Variants in SKP2 observed in about 807,000 individuals in gnomAD.
The protein encoded by SKP2 is S-phase kinase-associated protein 2.
In SKP2, 16 loss-of-function variants were observed where a neutral mutation model predicts 51.8. The ratio of observed to expected loss-of-function variants is 0.31; its 90% CI spans 0.21 to 0.47. The LOEUF (loss-of-function observed/expected upper bound fraction) is 0.47, where lower values mean the gene tolerates loss of function less well. SKP2 is among the 20% of genes least tolerant of loss of function. SKP2 has a pLI of 1.00. For synonymous variants in SKP2, 176 were observed against 198.6 expected (o/e 0.89, Z 0.96); for missense variants, 377 against 505.3 (o/e 0.75, Z 2.43).
At chr5:36,190,264 C>T (rs1362258926) in intron 6 of SKP2, among the ~76,000 whole-genome samples, 4 of 152,002 alleles carry the variant, frequency 2.6e-5, no homozygotes, top group Non-Finnish European at 2.9e-5. Flanking sequence ...GAGACGAACC[C>T]GGTACCCCAG....
At chr5:36,160,991 T>C (rs774474585) in intron 2 of SKP2, among the ~76,000 whole-genome samples, 6 of 152,110 alleles carry the variant, frequency 3.9e-5, no homozygotes, top group Non-Finnish European at 7.4e-5. Flanking sequence ...CAACTGTGTA[T>C]CTCCTACTCA....
Position 36,153,018 on chromosome 5 carries a change from A to G in SKP2, c.256A>G (p.Lys86Glu), listed in dbSNP as rs756905904. The G allele has an allele frequency of 1.2e-6, 2 of 1,614,112 alleles. No homozygotes were observed. Among genetic ancestry groups the G allele is most frequent in the Non-Finnish European group, 1.7e-6 (2 of 1,179,972 alleles). Reference protein sequence around the residue: ...DKDFVIVRRPKLNRENFPGVS... With the variant: ...DKDFVIVRRPELNRENFPGVS... ...AGACTTTGTGATTGTCCGCAGGCCTAAGCTAAATCGAGAGAACTTTCCAGG... is the reference window on the plus strand; with the variant it reads ...AGACTTTGTGATTGTCCGCAGGCCTGAGCTAAATCGAGAGAACTTTCCAGG... The change falls in exon 2 of 10, where the codon AAG becomes GAG. Residue 86 changes from lysine to glutamate, a missense_variant. Coordinates refer to ENST00000274255, the MANE Select transcript of SKP2 (RefSeq NM_005983.4).
chr5:36,174,415 G>A (rs1412549915), intron 7 of SKP2, among the ~76,000 whole-genome samples: 1 of 152,058 alleles, frequency 6.6e-6, no homozygotes, highest in East Asian at 1.9e-4. Flanking sequence ...TTTCTCCAGT[G>A]GTGTCAAAGT....
At chr5:36,158,223 A>G (rs929309777) in intron 2 of SKP2, among the ~76,000 whole-genome samples, 9 of 152,234 alleles carry the variant, frequency 5.9e-5, no homozygotes, top group African/African-American at 2.2e-4. Flanking sequence ...CAAGTGGAGA[A>G]AAGACCTCTG....
chr5:36,173,042 C>A (rs1166447553), intron 7 of SKP2, among the ~76,000 whole-genome samples: 1 of 150,374 alleles, frequency 6.7e-6, no homozygotes, highest in Non-Finnish European at 1.5e-5. Context: ...TTTTCCTGTA[C>A]AAAAACTGTT....
intron 2 of SKP2, 63 bp from the exon 3 acceptor site, chr5:36,163,582 A>T: frequency 2.1e-6 from 2 of 973,074 alleles, no homozygotes; most frequent in Non-Finnish European, 1.7e-6. Context: ...GTGTTTGAAA[A>T]GACTCAGTAG....
chr5:36,191,995 T>C (rs946494243), intron 6 of SKP2, among the ~76,000 whole-genome samples: 3 of 152,190 alleles, frequency 2.0e-5, no homozygotes, highest in South Asian at 4.1e-4. Context: ...TTTCTCTAAA[T>C]ACCAGAATAT....
intron 9 of SKP2, chr5:36,177,553 CTT>C (rs1256964137): frequency 2.2e-6 from 1 of 452,814 alleles, no homozygotes; most frequent in East Asian, 4.6e-5. Context: ...TATGAGAAGA[CTT>C]AGCAGAGAAG....
chr5:36,171,706 G>A lies in SKP2; in HGVS notation c.874G>A (p.Gly292Ser). The change falls in exon 7 of 10, where the codon GGC (glycine) becomes AGC (serine). Residue 292 changes from glycine (G) to serine (S), a missense_variant. This residue lies in a region of SKP2 where 262 missense variants were observed against 389.8 expected (regional missense o/e 0.67). Transcript: ENST00000274255. ...SETITQLNLS[G>S]YRKNLQKSDL... ...GACCATCACCCAGCTGAATCTTAGC[G>A]GCTACAGAAAGAATCTCCAGAAATC... is the stretch of plus-strand genomic sequence containing the variant. 1 of 1,613,872 alleles carries A rather than the reference G, an allele frequency of 6.2e-7. No individual in the cohort carries two copies. The highest frequency in any genetic ancestry group is 8.5e-7 in the Non-Finnish European group (1 of 1,179,842).
At chr5:36,168,551 C>T in intron 5 of SKP2, 104 bp downstream of exon 5, 1 of 1,080,658 alleles carries the variant, frequency 9.3e-7, no homozygotes, top group South Asian at 1.4e-5. Flanking sequence ...CAGGTGGATA[C>T]AGAAAATATC....
chr5:36,163,315 G>A (rs184939712), intron 2 of SKP2, among the ~76,000 whole-genome samples: 3 of 152,276 alleles, frequency 2.0e-5, no homozygotes, highest in African/African-American at 4.8e-5. Context: ...CACAGCCTCC[G>A]ATTGGCTGGC....
At chr5:36,192,407 T>C (rs1036946798) in intron 6 of SKP2, among the ~76,000 whole-genome samples, 1 of 152,194 alleles carries the variant, frequency 6.6e-6, no homozygotes, top group Admixed American at 6.5e-5. Context: ...ATAAATAATA[T>C]TGGTACAATG....
At chr5:36,188,480 C>T (rs572713112), downstream of SKP2, among the ~76,000 whole-genome samples, 172 of 152,280 alleles carry the variant, frequency 1.1e-3, no homozygotes, top group African/African-American at 3.9e-3. Flanking sequence ...ATTTTTCCTT[C>T]ACTTATGAAG....
intron 2 of SKP2, among the ~76,000 whole-genome samples, chr5:36,154,213 A>G (rs1197142497): frequency 6.6e-6 from 1 of 152,082 alleles, no homozygotes; most frequent in African/African-American, 2.4e-5. Context: ...ATTGAGAGAA[A>G]GCCTCAATTG....
Position 36,152,402 on chromosome 5 carries a change from G to T in SKP2, c.8+132G>T. The T allele has an allele frequency of 3.3e-6, 3 of 914,798 alleles. No individual in the cohort carries two copies. In the South Asian group the frequency reaches 4.3e-5, roughly 13 times the overall value. 56.7% of individuals were successfully genotyped at this position (914,798 alleles called of 1,614,324 possible). On this transcript the variant is annotated intron_variant, in intron 1 of 9. Transcript: ENST00000274255. Reference sequence around the variant, plus strand: ...GAATGGTTGCTTAGCCCCTTCTTGGGGAAAGTGTGAATGGATGGATGCCTT... The same window carrying T: ...GAATGGTTGCTTAGCCCCTTCTTGGTGAAAGTGTGAATGGATGGATGCCTT...
intron 2 of SKP2, among the ~76,000 whole-genome samples, chr5:36,159,111 G>A (rs147955252): frequency 6.6e-6 from 1 of 152,366 alleles, no homozygotes; most frequent in African/African-American, 2.4e-5. Flanking sequence ...CATGGGGCCT[G>A]TGGTGGTATC....
intron 2 of SKP2, among the ~76,000 whole-genome samples, chr5:36,157,056 T>G (rs1426450065): frequency 6.6e-6 from 1 of 152,214 alleles, no homozygotes; most frequent in African/African-American, 2.4e-5. Context: ...ATTCTTTATA[T>G]GTACATATAT....
intron 2 of SKP2, among the ~76,000 whole-genome samples, chr5:36,161,693 A>G (rs1165293274): frequency 1.3e-5 from 2 of 152,236 alleles, no homozygotes; most frequent in Non-Finnish European, 2.9e-5. Flanking sequence ...ATGCTGGTTT[A>G]GAAAGACTGC....
At chr5:36,192,091 T>C (rs1004116745) in intron 6 of SKP2, among the ~76,000 whole-genome samples, 4 of 152,212 alleles carry the variant, frequency 2.6e-5, no homozygotes, top group East Asian at 1.9e-4. Flanking sequence ...TTTTAGCTCA[T>C]GTAGTCAGTG....
Sources: allele counts gnomAD v4.1 joint callset (sites outside exome capture counted in the v4.1 genomes callset), GRCh38; gene constraint gnomAD v4.1.1; regional missense constraint gnomAD v4.1.1; transcripts MANE v1.5; gene names NCBI Gene and HGNC (gene_info 2026-07-23, HGNC 2026-07-21).